Variants in TASOR2 observed in about 807,000 individuals in gnomAD.
TASOR2 encodes protein TASOR 2.
TASOR2 carries 84 observed loss-of-function variants against 199.5 expected under a neutral mutation model. The ratio of observed to expected loss-of-function variants is 0.42; its 90% CI spans 0.35 to 0.50. The LOEUF (loss-of-function observed/expected upper bound fraction) is 0.50, where lower values mean the gene tolerates loss of function less well. TASOR2 is among the 20% of genes least tolerant of loss of function. TASOR2 has a pLI of 0.02. For missense variants in TASOR2, 2,796 were observed against 2,835.9 expected, an observed-to-expected ratio of 0.99 and a Z score of 0.32; for synonymous variants, 1,103 against 1,046.6, an observed-to-expected ratio of 1.05 and a Z score of -1.04.
At position 5,751,448 on chromosome 10, in the gene TASOR2, C is replaced by T. The variant is rs1390319877; in HGVS notation, c.6606+1421C>T. 6.6e-6 allele frequency among the ~76,000 whole-genome samples: 1 copy of T among 152,174 alleles called. No homozygotes were observed. On this transcript the variant is annotated intron_variant, in intron 15 of 20. Coordinates refer to ENST00000328090, the Ensembl canonical transcript of TASOR2. This position sits in a 1 kb window ranked among gnomAD's most constrained non-coding sequence, Gnocchi z 5.3. ...TTTGCTTATCTGTATCACTATGGACCATGGCACATTTTGTTTTACTTAAAG... is the reference window on the plus strand; with the variant it reads ...TTTGCTTATCTGTATCACTATGGACTATGGCACATTTTGTTTTACTTAAAG...
intron 20 of TASOR2, 153 bp from the exon 22 acceptor site, chr10:5,762,876 C>A: frequency 1.5e-6 from 1 of 684,154 alleles, no homozygotes; most frequent in Admixed American, 3.5e-5. Flanking sequence ...ATCTAATGTG[C>A]ATTTTCACTT....
In TASOR2 at chr10:5,730,667, G is replaced by A; in HGVS notation, c.668G>A (p.Ser223Asn). ...AAGGCGGACAGAAGCCCTTCATTGA[G>A]TGTTGCTCCTCAGGATAGAATGAAA... The change falls in exon 11 of 21, where the codon AGT becomes AAT. Residue 223 changes from serine (S) to asparagine (N), a missense_variant. Ser to Asn is a conservative substitution (Grantham distance 46, BLOSUM62 1). Around this residue, in one of 3 missense-constraint regions of TASOR2, gnomAD observed 847 missense variants for 887.4 expected, o/e 0.95. Transcript: ENST00000328090. The surrounding 1 kb of genome is among the most constrained non-coding windows in gnomAD (Gnocchi z 4.1). 6.2e-7 allele frequency: 1 copy of A among 1,614,204 alleles called. No individual in the cohort carries two copies. Among genetic ancestry groups the A allele is most frequent in the Non-Finnish European group, 8.5e-7 (1 of 1,180,036 alleles).
At chr10:5,715,955 A>T (rs1407490781) in intron 2 of TASOR2, among the ~76,000 whole-genome samples, 2 of 152,002 alleles carry the variant, frequency 1.3e-5, no homozygotes, top group African/African-American at 4.8e-5. Context: ...TTTTTTACTC[A>T]TGTGAACATC....
rs760335710 is a variant in TASOR2 at position 5,740,074 on chromosome 10, C to G, written c.1904C>G (p.Thr635Ser). Residue 635 changes from threonine (T) to serine (S), a missense_variant, in exon 13 of 21, where the codon ACT (threonine) becomes AGT (serine). Coordinates refer to ENST00000328090, the Ensembl canonical transcript of TASOR2. This position sits in a 1 kb window ranked among gnomAD's most constrained non-coding sequence, Gnocchi z 5.3. The stretch of plus-strand genomic sequence containing the variant: ...CCTGCTAAAGCCCAGTCAGCACTTA[C>G]TGAGGAAATGCTAGAATCTTCAGAT... 2 of 1,614,058 alleles carry G rather than the reference C, an allele frequency of 1.2e-6. No individual in the cohort carries two copies. The highest frequency in any genetic ancestry group is 2.2e-5 in the South Asian group (2 of 91,080).
chr10:5,762,299 C>A, intron 19 of TASOR2, among the ~76,000 whole-genome samples: 1 of 150,226 alleles, frequency 6.7e-6, no homozygotes, highest in Admixed American at 6.6e-5. Context: ...CGTAAAGAAC[C>A]ATAGTTATCA....
In TASOR2 at chr10:5,748,901, C is replaced by G. The variant is rs768371895; in HGVS notation, c.5480C>G (p.Ser1827Cys). The G allele has an allele frequency of 3.7e-6, 6 of 1,614,152 alleles. No individual in the cohort carries two copies. The highest frequency in any genetic ancestry group is 3.3e-4 in the Middle Eastern group (2 of 6,062). ...AATTCCGACATGCACTATGAACTCT[C>G]TGGAGATTCTGATCTAGACCTGCTT... Residue 1827 changes from serine (S) to cysteine (C), a missense_variant, in exon 15 of 21, where the codon TCT becomes TGT. Physicochemically the swap from Ser to Cys is moderately radical, Grantham distance 112 (BLOSUM62 -1). Around this residue, in one of 3 missense-constraint regions of TASOR2, gnomAD observed 1,941 missense variants for 1,924.9 expected, o/e 1.01. Coordinates refer to ENST00000328090, the Ensembl canonical transcript of TASOR2. The surrounding 1 kb of genome is among the most constrained non-coding windows in gnomAD (Gnocchi z 5.1).
In TASOR2 at chr10:5,748,982, G is replaced by A. The variant is rs1837601840; in HGVS notation, c.5561G>A (p.Ser1854Asn). Reference sequence around the variant, plus strand: ...GAGGATTCTTATACTTTAAGAGGTAGTTACACCAGGAAAAAAGATGTTCCC... The same window carrying A: ...GAGGATTCTTATACTTTAAGAGGTAATTACACCAGGAAAAAAGATGTTCCC... The change falls in exon 15 of 21, where the codon AGT (serine) becomes AAT (asparagine). Residue 1854 changes from serine (S) to asparagine (N), a missense_variant. Transcript: ENST00000328090. The surrounding 1 kb of genome is among the most constrained non-coding windows in gnomAD (Gnocchi z 5.1). 1 of 1,613,946 alleles carries A rather than the reference G, an allele frequency of 6.2e-7. No individual in the cohort carries two copies. The highest frequency in any genetic ancestry group is 8.5e-7 in the Non-Finnish European group (1 of 1,180,020).
intron 1 of TASOR2, among the ~76,000 whole-genome samples, chr10:5,707,926 T>C (rs1831331384): frequency 6.6e-6 from 1 of 152,150 alleles, no homozygotes; most frequent in Admixed American, 6.5e-5. Flanking sequence ...GTGAGTTCAA[T>C]AGGTAGACCA....
chr10:5,728,514 T>C (rs1365574858), intron 10 of TASOR2, among the ~76,000 whole-genome samples: 3 of 151,902 alleles, frequency 2.0e-5, no homozygotes, highest in Non-Finnish European at 4.4e-5. Context: ...TATGTGCCTC[T>C]AGTTCCAGCT....
Position 5,753,353 on chromosome 10 carries a change from GGTTT to G in TASOR2, c.6607-3239_6607-3236del, listed in dbSNP as rs368757231. ...GGCTGAGGATCCTTTTGTTTGCCAAGGTTTGTTTGTTTGTTTGTTTGTTTTTTGA... is the reference window on the plus strand; with the variant it reads ...GGCTGAGGATCCTTTTGTTTGCCAAGGTTTGTTTGTTTGTTTGTTTTTTGA... On this transcript the variant is annotated intron_variant, in intron 15 of 20. Transcript: ENST00000328090. Among the ~76,000 whole-genome samples the G allele has an allele frequency of 2.6e-3, 401 of 152,044 alleles. 3 individuals are homozygous for G. The East Asian group carries it at 0.028, about 11-fold the overall frequency.
rs931827747 is a variant in TASOR2 at position 5,712,426 on chromosome 10, C to T, written c.-287-397C>T. The stretch of plus-strand genomic sequence containing the variant: ...GACAGTGTCCTTGAGTTCAGACTCT[C>T]TCTTCCAGAGGGCAGTTTCACTCCT... On this transcript the variant is annotated intron_variant, in intron 1 of 20. Coordinates refer to ENST00000328090, the Ensembl canonical transcript of TASOR2. The T allele has an allele frequency of 1.1e-5, 14 of 1,231,508 alleles. No homozygotes were observed. The African/African-American group carries it at 2.0e-4, about 18-fold the overall frequency. 76.3% of individuals were successfully genotyped at this position (1,231,508 alleles called of 1,614,324 possible).
At chr10:5,735,316 T>G (rs374574405) in exon 12 of TASOR2, 1 of 1,613,742 alleles carries the variant, frequency 6.2e-7, no homozygotes, top group African/African-American at 1.3e-5. Context: ...GCGGAAGTGC[T>G]GACTGCACAG....
exon 15 of TASOR2, chr10:5,747,330 A>G (rs368815344): frequency 8.2e-5 from 133 of 1,614,042 alleles, no homozygotes; most frequent in Non-Finnish European, 1.1e-4. Flanking sequence ...CTGGTGAAAT[A>G]GAGCAATTTG....
Position 5,723,799 on chromosome 10 carries a change from C to T in TASOR2, c.247+22C>T, listed in dbSNP as rs760650370. 1.5e-5 allele frequency: 23 copies of T among 1,487,798 alleles called. No homozygotes were observed. In the East Asian group the frequency reaches 1.9e-4, roughly 12 times the overall value. 92.2% of individuals were successfully genotyped at this position (1,487,798 alleles called of 1,614,324 possible). A position where few individuals can be genotyped will look rare whatever the true frequency, so the allele number is the denominator to read the frequency against. On this transcript the variant is annotated intron_variant, in intron 7 of 20. Coordinates refer to ENST00000328090, the Ensembl canonical transcript of TASOR2. ...AAAGGTCTGTTGAAATGTAATAACA[C>T]GCTACTTGTCCTGGGCTTTGTTCTG...
intron 1 of TASOR2, among the ~76,000 whole-genome samples, chr10:5,686,037 T>C (rs1835774205): frequency 6.6e-6 from 1 of 152,298 alleles, no homozygotes; most frequent in African/African-American, 2.4e-5. Flanking sequence ...AGGAGGTTTA[T>C]AGCAAAGCAG....
At chr10:5,724,238 G>C (rs1833742909) in intron 7 of TASOR2, among the ~76,000 whole-genome samples, 192 bp from the exon 9 acceptor site, 1 of 152,134 alleles carries the variant, frequency 6.6e-6, no homozygotes, top group Non-Finnish European at 1.5e-5. Context: ...GTATAAATAA[G>C]AGCATTGTTT....
At chr10:5,731,139 C>T (rs771731533) in exon 11 of TASOR2, 2 of 1,611,690 alleles carry the variant, frequency 1.2e-6, no homozygotes, top group African/African-American at 1.3e-5. Context: ...GAGCAGACAA[C>T]AGCTCGGACT....
rs750189137 is a variant in TASOR2, at chr10:5,739,567, T to G, written c.1448-51T>G. The stretch of plus-strand genomic sequence containing the variant: ...CCATCATAGTAATATGGCAGAGAGT[T>G]AATTCTATGACAAGCAAACATCTCT... On this transcript the variant is annotated intron_variant, in intron 12 of 20. Transcript: ENST00000328090. 2.0e-6 allele frequency: 3 copies of G among 1,533,128 alleles called. No homozygotes were observed. In the South Asian group the frequency reaches 3.7e-5, roughly 19 times the overall value. 95.0% of individuals were successfully genotyped at this position (1,533,128 alleles called of 1,614,324 possible).
chr10:5,727,207 C>A, intron 10 of TASOR2, 84 bp downstream of exon 11: 2 of 1,389,910 alleles, frequency 1.4e-6, no homozygotes, highest in Non-Finnish European at 2.0e-6. Flanking sequence ...CAGCACGTGA[C>A]ACTGTTGACT....
Sources: allele counts gnomAD v4.1 joint callset (sites outside exome capture counted in the v4.1 genomes callset), GRCh38; gene constraint gnomAD v4.1.1; regional missense constraint gnomAD v4.1.1; non-coding constraint Gnocchi (gnomAD v3.1); transcripts MANE v1.5; gene names NCBI Gene and HGNC (gene_info 2026-07-23, HGNC 2026-07-21).